Variants in NELL1 observed in about 807,000 individuals in gnomAD.
NELL1 encodes the protein protein kinase C-binding protein NELL1.
Under a neutral mutation model 107.4 loss-of-function variants are expected in NELL1, and 76 were observed. The observed-to-expected ratio is 0.71, with a 90% CI of 0.59 to 0.86. The LOEUF is 0.86. Among genes scored for constraint, NELL1 ranks in the 40% least tolerant of loss-of-function variants. The pLI, the probability that NELL1 is intolerant of heterozygous loss-of-function variation, is 0.00. For synonymous variants in NELL1, 353 were observed against 341.2 expected (o/e 1.03, Z -0.38); for missense variants, 1,024 against 1,005.5 (o/e 1.02, Z -0.25).
intron 15 of NELL1, among the ~76,000 whole-genome samples, chr11:21,479,696 T>G (rs952384576): frequency 5.9e-5 from 9 of 152,218 alleles, no homozygotes; most frequent in African/African-American, 2.2e-4. Flanking sequence ...TTTGGATTGT[T>G]AGTTACATAA....
Position 21,004,720 on chromosome 11 carries a change from G to A in NELL1, c.1300+44160G>A, listed in dbSNP as rs1852293474. Among the ~76,000 whole-genome samples, 3 of 152,262 alleles carry A rather than the reference G, an allele frequency of 2.0e-5. No homozygotes were observed. In the East Asian group the frequency reaches 5.8e-4, roughly 29 times the overall value. On this transcript the variant is annotated intron_variant, in intron 12 of 19. Coordinates refer to ENST00000357134, the MANE Select transcript of NELL1 (RefSeq NM_006157.5). ...TTAAGATGAAGGGCCATCCTTGTGT[G>A]TGTGTGTGCTAAAATGTCCCCTTTT...
intron 12 of NELL1, among the ~76,000 whole-genome samples, chr11:20,980,050 C>T (rs1206848958): frequency 6.6e-6 from 1 of 152,132 alleles, no homozygotes; most frequent in African/African-American, 2.4e-5. Flanking sequence ...TTTCTAAATA[C>T]TCAATGACTT....
chr11:21,570,672 G>A, intron 17 of NELL1, 92 bp from the exon 18 acceptor site: 6 of 1,230,634 alleles, frequency 4.9e-6, no homozygotes, highest in East Asian at 2.4e-5. Context: ...GTGGCCAGGG[G>A]GTGACCAAAC....
chr11:21,159,709 G>A (rs1440546327), intron 13 of NELL1, among the ~76,000 whole-genome samples: 1 of 152,210 alleles, frequency 6.6e-6, no homozygotes, highest in Non-Finnish European at 1.5e-5. Context: ...AATCTACACT[G>A]CAAAGTGGGG....
At chr11:20,968,209 A>G (rs1222984409) in intron 12 of NELL1, among the ~76,000 whole-genome samples, 1 of 152,096 alleles carries the variant, frequency 6.6e-6, no homozygotes, top group African/African-American at 2.4e-5. Flanking sequence ...TTGTTTTCTT[A>G]TGTGTGTTTT....
chr11:21,109,188 C>G (rs1441840977), intron 12 of NELL1, among the ~76,000 whole-genome samples: 1 of 152,044 alleles, frequency 6.6e-6, no homozygotes, highest in Non-Finnish European at 1.5e-5. Flanking sequence ...TATAAAGTAT[C>G]TAGCATAGTG....
intron 11 of NELL1, among the ~76,000 whole-genome samples, chr11:20,959,505 G>A (rs1851246395): frequency 6.6e-6 from 1 of 152,178 alleles, no homozygotes; most frequent in African/African-American, 2.4e-5. Context: ...GAATGAATTA[G>A]TGGCATTCAC....
intron 14 of NELL1, among the ~76,000 whole-genome samples, chr11:21,243,801 C>T (rs373408188): frequency 1.8e-4 from 28 of 151,924 alleles, no homozygotes; most frequent in African/African-American, 6.8e-4. Context: ...TTAGTGGCTA[C>T]CATAGCCATT....
At chr11:21,023,161 G>A (rs1852740660) in intron 12 of NELL1, among the ~76,000 whole-genome samples, 1 of 152,058 alleles carries the variant, frequency 6.6e-6, no homozygotes, top group Non-Finnish European at 1.5e-5. Context: ...TAGAACAGTG[G>A]GATATTGCCT....
At chr11:20,766,480 C>T (rs1055303947) in intron 2 of NELL1, among the ~76,000 whole-genome samples, 1 of 152,144 alleles carries the variant, frequency 6.6e-6, no homozygotes, top group African/African-American at 2.4e-5. Context: ...TATAATTTTG[C>T]CACAGCATCC....
chr11:21,145,162 G>A (rs1855950242), intron 13 of NELL1, among the ~76,000 whole-genome samples: 1 of 152,100 alleles, frequency 6.6e-6, no homozygotes, highest in East Asian at 1.9e-4. Flanking sequence ...TGTGTGCCAA[G>A]CACACAAGGC....
chr11:21,415,107 T>TAG (rs959665747), intron 15 of NELL1, among the ~76,000 whole-genome samples: 4 of 152,100 alleles, frequency 2.6e-5, no homozygotes, highest in African/African-American at 7.2e-5. Flanking sequence ...TACCTGAAAC[T>TAG]AGAGTGAGTT....
chr11:21,504,995 C>T (rs1006816011), intron 15 of NELL1, among the ~76,000 whole-genome samples: 4 of 152,136 alleles, frequency 2.6e-5, no homozygotes, highest in Non-Finnish European at 5.9e-5. Context: ...CAAACATTTT[C>T]CCCCTTTTTT....
intron 2 of NELL1, among the ~76,000 whole-genome samples, chr11:20,739,280 C>A (rs921005447): frequency 1.3e-4 from 20 of 152,340 alleles, no homozygotes; most frequent in Non-Finnish European, 2.8e-4. Context: ...GTGAGGCCTG[C>A]AGAGGACAGA....
intron 2 of NELL1, among the ~76,000 whole-genome samples, chr11:20,775,784 G>A (rs1393305205): frequency 6.6e-6 from 1 of 152,056 alleles, no homozygotes; most frequent in African/African-American, 2.4e-5. Flanking sequence ...AAAATTATGG[G>A]GGTACCAGAA....
At chr11:20,800,175 GT>G (rs1857254144) in intron 3 of NELL1, among the ~76,000 whole-genome samples, 1 of 152,176 alleles carries the variant, frequency 6.6e-6, no homozygotes, top group African/African-American at 2.4e-5. Context: ...ACATACTAGT[GT>G]ATGTGTCCTT....
intron 3 of NELL1, among the ~76,000 whole-genome samples, chr11:20,807,054 GTTT>G (rs113224546): frequency 7.0e-6 from 1 of 143,460 alleles, no homozygotes; most frequent in Admixed American, 7.0e-5. Flanking sequence ...GCATTATTTA[GTTT>G]TTTTTTTTTT....
intron 15 of NELL1, among the ~76,000 whole-genome samples, chr11:21,406,501 A>G (rs895170124): frequency 2.6e-5 from 4 of 152,016 alleles, no homozygotes; most frequent in African/African-American, 9.7e-5. Context: ...TCAAAACATA[A>G]AATGAAATAA....
At chr11:21,440,843 G>C (rs1191490038) in intron 15 of NELL1, among the ~76,000 whole-genome samples, 1 of 152,046 alleles carries the variant, frequency 6.6e-6, no homozygotes, top group Non-Finnish European at 1.5e-5. Flanking sequence ...TTTGCAGAGT[G>C]CTAGAATGCC....
Sources: gnomAD v4.1 joint callset for allele counts (sites outside exome capture counted in the v4.1 genomes callset) on GRCh38, gnomAD v4.1.1 for gene constraint, MANE v1.5 for transcripts, NCBI Gene and HGNC (gene_info 2026-07-23, HGNC 2026-07-21) for gene names.